CCNJL: variants seen among roughly 807,000 people sequenced by gnomAD.
CCNJL encodes the protein cyclin J like.
A neutral mutation model predicts 33.4 loss-of-function variants in CCNJL; 33 were observed. That is an observed-to-expected ratio of 0.99 (90% confidence interval 0.75 to 1.32). The LOEUF is 1.32. Ranked by LOEUF, CCNJL falls within the 40% of genes most tolerant of loss-of-function variation. The probability of loss-of-function intolerance (pLI) is 0.00; values close to 1 mark genes in which losing one functional copy is unlikely to be tolerated. For synonymous variants in CCNJL, 227 were observed against 220.9 expected (o/e 1.03, Z -0.24); for missense variants, 512 against 499.7 (o/e 1.02, Z -0.23).
At chr5:160,303,259 G>A (rs1026642508) in intron 2 of CCNJL, among the ~76,000 whole-genome samples, 7 of 152,074 alleles carry the variant, frequency 4.6e-5, no homozygotes, top group Admixed American at 1.3e-4. Flanking sequence ...AAGCTGGAGC[G>A]CAATGGTGCA....
At chr5:160,270,345 G>A (rs1474144688) in intron 3 of CCNJL, among the ~76,000 whole-genome samples, 1 of 152,174 alleles carries the variant, frequency 6.6e-6, no homozygotes, top group Non-Finnish European at 1.5e-5. Context: ...TCAGGAGGCT[G>A]TGGCAGGAGA....
chr5:160,314,645 C>T (rs562175443), upstream of CCNJL, among the ~76,000 whole-genome samples: 9 of 152,272 alleles, frequency 5.9e-5, no homozygotes, highest in Admixed American at 5.2e-4. Context: ...AAAAGGCAAA[C>T]GACAAATTTG....
intron 1 of CCNJL, 120 bp downstream of exon 1, chr5:160,312,244 T>G: frequency 2.4e-6 from 1 of 413,734 alleles, no homozygotes; most frequent in Non-Finnish European, 4.4e-6. Flanking sequence ...TCAACTCCGC[T>G]AGCTCGCTCG....
At chr5:160,283,814 AT>A (rs1762323194) in intron 2 of CCNJL, among the ~76,000 whole-genome samples, 1 of 151,292 alleles carries the variant, frequency 6.6e-6, no homozygotes, top group African/African-American at 2.4e-5. Flanking sequence ...TCTACTCTCT[AT>A]GTCCATGAGT....
intron 1 of CCNJL, chr5:160,339,408 C>T (rs896745902): frequency 2.7e-5 from 10 of 368,204 alleles, no homozygotes; most frequent in African/African-American, 1.8e-4. Context: ...CACATCCAAA[C>T]ACGTTCTTCA....
chr5:160,318,945 G>A (rs545370022), intron 1 of CCNJL, among the ~76,000 whole-genome samples: 3 of 152,170 alleles, frequency 2.0e-5, no homozygotes, highest in African/African-American at 7.2e-5. Context: ...ACATTAAATA[G>A]CATATTTTAA....
chr5:160,259,568 T>G lies in CCNJL; in HGVS notation c.484A>C (p.Lys162Gln), dbSNP rs1319397094. The G allele has an allele frequency of 3.7e-6, 6 of 1,613,980 alleles. No individual in the cohort carries two copies. Among genetic ancestry groups the G allele is most frequent in the Non-Finnish European group, 8.5e-7 (1 of 1,179,962 alleles). Residue 162 changes from lysine (K) to glutamine (Q), a missense_variant, in exon 4 of 6, where the codon AAG becomes CAG. Lys to Gln is a moderately conservative substitution (Grantham distance 53). Transcript: ENST00000257536. ...GGCCAGGTGTGGCAGTGGTGGTCCT[T>G]CTGGCTGACGGAGGCCAAGAGGTAG... Reference protein sequence around the residue: ...DYYLLASVSQKDHHCHTWPTT... With the variant: ...DYYLLASVSQQDHHCHTWPTT...
chr5:160,260,231 GC>G (rs1313758804), intron 3 of CCNJL, among the ~76,000 whole-genome samples: 5 of 152,146 alleles, frequency 3.3e-5, no homozygotes, highest in Admixed American at 2.6e-4. Context: ...CGCAAACCTG[GC>G]CCTGTCCCTC....
intron 2 of CCNJL, chr5:160,281,064 C>CT (rs35328886): frequency 2.8e-4 from 104 of 371,232 alleles, no homozygotes; most frequent in Middle Eastern, 8.5e-4. Flanking sequence ...AGTCCAAATT[C>CT]TTTTTTTTTC....
chr5:160,321,802 G>A (rs1213670077), intron 1 of CCNJL, among the ~76,000 whole-genome samples: 1 of 152,024 alleles, frequency 6.6e-6, no homozygotes, highest in Non-Finnish European at 1.5e-5. Context: ...AGTTGGGTGT[G>A]GAGCCGAGAC....
intron 3 of CCNJL, among the ~76,000 whole-genome samples, chr5:160,275,862 A>G (rs1252414823): frequency 6.6e-6 from 1 of 152,166 alleles, no homozygotes; most frequent in African/African-American, 2.4e-5. Flanking sequence ...CCACCAAGCA[A>G]AAGCAAACCT....
At chr5:160,313,911 A>G (rs995227154), upstream of CCNJL, among the ~76,000 whole-genome samples, 1 of 152,270 alleles carries the variant, frequency 6.6e-6, no homozygotes, top group Non-Finnish European at 1.5e-5. Flanking sequence ...TCACGCCTGT[A>G]ATCCCAACAC....
chr5:160,273,942 C>T (rs1310194583), intron 3 of CCNJL, among the ~76,000 whole-genome samples: 1 of 151,906 alleles, frequency 6.6e-6, no homozygotes, highest in African/African-American at 2.4e-5. Flanking sequence ...AGCCACTGCA[C>T]CCGGCCTACA....
chr5:160,310,906 T>C (rs891915546), intron 2 of CCNJL, among the ~76,000 whole-genome samples: 1 of 152,208 alleles, frequency 6.6e-6, no homozygotes, highest in Non-Finnish European at 1.5e-5. Context: ...GTCATGGCCC[T>C]GCTAACACCT....
intron 3 of CCNJL, among the ~76,000 whole-genome samples, chr5:160,278,730 G>T (rs1762102129): frequency 6.6e-6 from 1 of 152,190 alleles, no homozygotes; most frequent in Admixed American, 6.5e-5. Flanking sequence ...TGGCCCCATG[G>T]AAATATAAGT....
At chr5:160,266,870 T>TA (rs1761618286) in intron 3 of CCNJL, among the ~76,000 whole-genome samples, 1 of 152,134 alleles carries the variant, frequency 6.6e-6, no homozygotes. Context: ...CTGGAGTCGT[T>TA]ACAGCTTCCT....
At chr5:160,328,605 A>G (rs1581022900) in intron 1 of CCNJL, among the ~76,000 whole-genome samples, 1 of 151,004 alleles carries the variant, frequency 6.6e-6, no homozygotes, top group South Asian at 2.1e-4. Flanking sequence ...AAAAAAAAAA[A>G]GACTGGGCTT....
intron 1 of CCNJL, among the ~76,000 whole-genome samples, chr5:160,322,852 G>A (rs191438872): frequency 2.0e-5 from 3 of 151,702 alleles, no homozygotes; most frequent in Non-Finnish European, 2.9e-5. Context: ...GAGGGAGGAC[G>A]CAGTGAGCCG....
Position 160,309,501 on chromosome 5 carries a change from C to T in CCNJL, c.66+2357G>A, listed in dbSNP as rs75627135. On this transcript the variant is annotated intron_variant, in intron 2 of 5. Transcript: ENST00000257536. ...AACTAAGAGTGTCTACTGTGTGCCA[C>T]GCTCTTGTAAAGTTGTTCTACAGTG... Among the ~76,000 whole-genome samples, 937 of 152,312 alleles carry T rather than the reference C, an allele frequency of 6.2e-3. 12 individuals are homozygous for T. Among genetic ancestry groups the T allele is most frequent in the African/African-American group, 0.022 (905 of 41,548 alleles).
Sources: gnomAD v4.1 joint callset for allele counts (sites outside exome capture counted in the v4.1 genomes callset) on GRCh38, gnomAD v4.1.1 for gene constraint, MANE v1.5 for transcripts, NCBI Gene and HGNC (gene_info 2026-07-23, HGNC 2026-07-21) for gene names.